Variants in CADM2 observed in about 807,000 individuals in gnomAD.
The protein encoded by CADM2 is cell adhesion molecule 2.
Under a neutral mutation model 49.8 loss-of-function variants are expected in CADM2, and 12 were observed. That is an observed-to-expected ratio of 0.24 (90% CI 0.15 to 0.39). The LOEUF (loss-of-function observed/expected upper bound fraction) is 0.39. CADM2 is among the 10% of genes least tolerant of loss of function. The pLI, the probability that CADM2 is intolerant of heterozygous loss-of-function variation, is 1.00. For missense variants in CADM2, 378 were observed against 492.3 expected (o/e 0.77, Z 2.20); for synonymous variants, 214 against 175.4 (o/e 1.22, Z -1.74).
intron 1 of CADM2, among the ~76,000 whole-genome samples, chr3:85,532,916 A>T (rs1411191385): frequency 6.6e-6 from 1 of 152,180 alleles, no homozygotes; most frequent in African/African-American, 2.4e-5. Flanking sequence ...GGAAAACCAA[A>T]TACCACATGT....
intron 1 of CADM2, among the ~76,000 whole-genome samples, chr3:85,249,133 C>G (rs911990978): frequency 2.6e-5 from 4 of 152,032 alleles, no homozygotes; most frequent in Non-Finnish European, 5.9e-5. Flanking sequence ...TGTTACCAAA[C>G]TATTTCTCTA....
At chr3:85,065,084 A>G (rs1418858727) in intron 1 of CADM2, among the ~76,000 whole-genome samples, 1 of 152,130 alleles carries the variant, frequency 6.6e-6, no homozygotes. Flanking sequence ...TTTCTTTTTA[A>G]TAGATAATAC....
At chr3:85,681,686 A>C (rs533879292) in intron 1 of CADM2, among the ~76,000 whole-genome samples, 2 of 152,146 alleles carry the variant, frequency 1.3e-5, no homozygotes, top group African/African-American at 4.8e-5. Flanking sequence ...TCAAATTTTC[A>C]TGATAAATTT....
At chr3:85,616,107 G>A (rs565319780) in intron 1 of CADM2, among the ~76,000 whole-genome samples, 27 of 151,724 alleles carry the variant, frequency 1.8e-4, no homozygotes, top group Non-Finnish European at 2.6e-4. Flanking sequence ...TGATTGTCGG[G>A]CATTTATTAC....
At chr3:85,007,161 T>C (rs1222166351) in intron 1 of CADM2, among the ~76,000 whole-genome samples, 1 of 152,158 alleles carries the variant, frequency 6.6e-6, no homozygotes. Context: ...TAAAATACTT[T>C]TAGTTGTTAG....
rs116284836 is a variant in CADM2, at chr3:85,050,241, G to T, written c.61+90573G>T. On this transcript the variant is annotated intron_variant, in intron 1 of 9. Transcript: ENST00000383699. ...AAGGCTAAAGATGACCAGGTAGGAG[G>T]CTCTAACTGCCTTAGAACCCAGGAG... Among the ~76,000 whole-genome samples, 581 of 152,036 alleles carry T rather than the reference G, an allele frequency of 3.8e-3. 6 individuals carry two copies. Among genetic ancestry groups the T allele is most frequent in the African/African-American group, 0.013 (557 of 41,460 alleles).
intron 3 of CADM2, among the ~76,000 whole-genome samples, chr3:85,852,291 T>C (rs1018964503): frequency 2.0e-5 from 3 of 152,128 alleles, no homozygotes; most frequent in African/African-American, 4.8e-5. Flanking sequence ...GTTTGTTCCA[T>C]GAATGCATGA....
chr3:85,000,927 T>G (rs961712631), intron 1 of CADM2, among the ~76,000 whole-genome samples: 31 of 152,086 alleles, frequency 2.0e-4, no homozygotes, highest in African/African-American at 7.0e-4. Context: ...ACTGATGAAA[T>G]TTCATTTTAC....
chr3:85,680,085 C>G (rs565501777), intron 1 of CADM2, among the ~76,000 whole-genome samples: 1 of 152,008 alleles, frequency 6.6e-6, no homozygotes, highest in East Asian at 1.9e-4. Context: ...TTACTATTAA[C>G]ATAGGAGAAT....
chr3:85,217,847 C>T (rs1323740107), intron 1 of CADM2, among the ~76,000 whole-genome samples: 3 of 151,998 alleles, frequency 2.0e-5, no homozygotes, highest in African/African-American at 7.2e-5. Flanking sequence ...ATTCTTAATC[C>T]ATTTTTATAA....
intron 1 of CADM2, among the ~76,000 whole-genome samples, chr3:85,036,980 C>G (rs144246563): frequency 1.5e-4 from 22 of 144,414 alleles, no homozygotes; most frequent in African/African-American, 5.7e-4. Context: ...GGTGAAACCC[C>G]GTCTCTACTA....
At chr3:85,374,787 C>G (rs887212744) in intron 1 of CADM2, among the ~76,000 whole-genome samples, 1 of 152,014 alleles carries the variant, frequency 6.6e-6, no homozygotes, top group South Asian at 2.1e-4. Flanking sequence ...GAGACTTATT[C>G]ACTCTCAGCA....
intron 7 of CADM2, among the ~76,000 whole-genome samples, chr3:85,949,814 T>A (rs1723227141): frequency 6.6e-6 from 1 of 151,052 alleles, no homozygotes; most frequent in Admixed American, 6.6e-5. Flanking sequence ...CTTATAAGGT[T>A]AATGAGCACT....
intron 1 of CADM2, among the ~76,000 whole-genome samples, chr3:85,156,816 A>G (rs1489818507): frequency 6.6e-6 from 1 of 152,200 alleles, no homozygotes; most frequent in Non-Finnish European, 1.5e-5. Context: ...CCTATTCAAC[A>G]TAGTGTTGGA....
intron 1 of CADM2, among the ~76,000 whole-genome samples, chr3:85,226,589 T>A (rs1320137432): frequency 1.3e-5 from 2 of 151,710 alleles, no homozygotes; most frequent in East Asian, 3.9e-4. Context: ...TCATTGATAT[T>A]TTGAAGAGTT....
chr3:85,645,659 A>G (rs1486763960), intron 1 of CADM2, among the ~76,000 whole-genome samples: 3 of 151,962 alleles, frequency 2.0e-5, no homozygotes, highest in Non-Finnish European at 1.5e-5. Flanking sequence ...TGGATATAAT[A>G]AAATAATGAA....
At chr3:85,000,429 G>A (rs1342763964) in intron 1 of CADM2, among the ~76,000 whole-genome samples, 1 of 151,132 alleles carries the variant, frequency 6.6e-6, no homozygotes, top group Non-Finnish European at 1.5e-5. Context: ...GAGAGCATAA[G>A]TCCTTGACTT....
intron 3 of CADM2, among the ~76,000 whole-genome samples, chr3:85,804,215 G>T (rs1317914353): frequency 6.6e-6 from 1 of 151,930 alleles, no homozygotes; most frequent in East Asian, 1.9e-4. Flanking sequence ...TGATGCAAAA[G>T]AAAATGTTCT....
At chr3:85,424,849 A>G (rs546878884) in intron 1 of CADM2, among the ~76,000 whole-genome samples, 1 of 152,278 alleles carries the variant, frequency 6.6e-6, no homozygotes, top group African/African-American at 2.4e-5. Context: ...ACACTAGAAT[A>G]TAATTAATTC....
Sources: allele counts gnomAD v4.1 joint callset (sites outside exome capture counted in the v4.1 genomes callset), GRCh38; gene constraint gnomAD v4.1.1; transcripts MANE v1.5; gene names NCBI Gene and HGNC (gene_info 2026-07-23, HGNC 2026-07-21).